Variants in CDH8 observed in about 807,000 individuals in gnomAD.
CDH8 encodes the protein cadherin 8, also known as cadherin-8.
A neutral mutation model predicts 68.1 loss-of-function variants in CDH8; 17 were observed. The observed-to-expected ratio is 0.25, with a 90% confidence interval of 0.17 to 0.37. The LOEUF (loss-of-function observed/expected upper bound fraction) is 0.37. Among genes scored for constraint, CDH8 ranks in the 10% least tolerant of loss-of-function variants. CDH8 has a pLI of 1.00. For synonymous variants in CDH8, 372 were observed against 365.1 expected (o/e 1.02, Z -0.21); for missense variants, 763 against 999.3 (o/e 0.76, Z 3.19).
chr16:61,918,820 C>T (rs1162124944), intron 2 of CDH8: 2 of 151,482 alleles, frequency 1.3e-5, no homozygotes, highest in Non-Finnish European at 2.9e-5. Context: ...CACCACAGCT[C>T]AAGGAGGCCT....
At chr16:61,697,991 TC>T (rs1964359741) in intron 10 of CDH8, among the ~76,000 whole-genome samples, 1 of 152,238 alleles carries the variant, frequency 6.6e-6, no homozygotes, top group South Asian at 2.1e-4. Flanking sequence ...TGGATCAATT[TC>T]CCTTTACAGT....
intron 2 of CDH8, among the ~76,000 whole-genome samples, chr16:61,992,991 C>T (rs1335894354): frequency 6.6e-6 from 1 of 152,136 alleles, no homozygotes; most frequent in Non-Finnish European, 1.5e-5. Flanking sequence ...CACTACGTTT[C>T]TCAGGCTGGT....
At chr16:61,914,332 A>T (rs577115496) in intron 2 of CDH8, among the ~76,000 whole-genome samples, 2 of 152,294 alleles carry the variant, frequency 1.3e-5, no homozygotes, top group East Asian at 3.9e-4. Context: ...TACCTTATAG[A>T]TGCAAAATGA....
intron 1 of CDH8, among the ~76,000 whole-genome samples, chr16:62,024,283 A>T (rs1240519313): frequency 1.3e-5 from 2 of 152,102 alleles, no homozygotes; most frequent in Admixed American, 1.3e-4. Context: ...ATAGCAATGA[A>T]ACAATGATAA....
chr16:61,953,990 C>A (rs937365398), intron 2 of CDH8, among the ~76,000 whole-genome samples: 1 of 149,442 alleles, frequency 6.7e-6, no homozygotes, highest in Non-Finnish European at 1.5e-5. Context: ...TCAAAGGACT[C>A]AGAACTAAAC....
intron 2 of CDH8, among the ~76,000 whole-genome samples, chr16:61,969,441 C>T (rs1965304357): frequency 2.0e-5 from 3 of 152,104 alleles, no homozygotes; most frequent in African/African-American, 7.2e-5. Context: ...ACAGAATATC[C>T]AGAGTGCAGA....
chr16:62,017,202 C>A (rs1185523397), intron 2 of CDH8, among the ~76,000 whole-genome samples: 1 of 151,962 alleles, frequency 6.6e-6, no homozygotes. Flanking sequence ...CCAAAGGACT[C>A]AAAAATCCTT....
rs191366433 is a variant in CDH8 at position 61,776,116 on chromosome 16, A to G, written c.1414+13230T>C. On this transcript the variant is annotated intron_variant, in intron 8 of 11. Coordinates refer to ENST00000577390, the MANE Select transcript of CDH8 (RefSeq NM_001796.5). The stretch of plus-strand genomic sequence containing the variant: ...TCTGGAAGAGGATAGAGAGGAGGAT[A>G]GAAAAGGGAAGGCAGGGGGATGAAA... Among the ~76,000 whole-genome samples, 424 of 152,226 alleles carry G rather than the reference A, an allele frequency of 2.8e-3. 1 individual carries two copies. The highest frequency in any genetic ancestry group is 4.3e-3 in the Non-Finnish European group (290 of 67,988).
intron 8 of CDH8, among the ~76,000 whole-genome samples, chr16:61,762,876 C>T (rs569972154): frequency 6.6e-6 from 1 of 152,146 alleles, no homozygotes; most frequent in African/African-American, 2.4e-5. Flanking sequence ...GAATCCCAAT[C>T]TGTGTTTTAA....
intron 2 of CDH8, 61 bp from the exon 3 acceptor site, chr16:61,901,534 AC>A: frequency 8.3e-7 from 1 of 1,212,068 alleles, no homozygotes. Context: ...TTTTTTAACT[AC>A]CTCCTTTTTG....
At chr16:61,971,943 G>A (rs185032290) in intron 2 of CDH8, among the ~76,000 whole-genome samples, 56 of 152,242 alleles carry the variant, frequency 3.7e-4, no homozygotes, top group African/African-American at 1.2e-3. Context: ...AAAGAAACTC[G>A]AAGATTGGAG....
At chr16:61,924,909 G>A (rs1028667950) in intron 2 of CDH8, among the ~76,000 whole-genome samples, 4 of 152,068 alleles carry the variant, frequency 2.6e-5, no homozygotes, top group Admixed American at 6.5e-5. Flanking sequence ...TAATTGTTCC[G>A]TACTTTGAAA....
At chr16:61,900,410 C>T (rs1296160551) in intron 3 of CDH8, among the ~76,000 whole-genome samples, 1 of 152,106 alleles carries the variant, frequency 6.6e-6, no homozygotes, top group African/African-American at 2.4e-5. Context: ...TTAGATTCTG[C>T]CTACTACTTT....
chr16:62,014,513 G>T (rs78035443), intron 2 of CDH8, among the ~76,000 whole-genome samples: 8 of 152,262 alleles, frequency 5.3e-5, no homozygotes, highest in Non-Finnish European at 1.2e-4. Context: ...CTGTGACTGC[G>T]TAGTCCAACG....
rs1567405309 is a variant in CDH8 at position 61,655,685 on chromosome 16, A to T, written c.1691T>A (p.Phe564Tyr). 2 of 1,614,026 alleles carry T rather than the reference A, an allele frequency of 1.2e-6. No homozygotes were observed. The highest frequency in any genetic ancestry group is 1.7e-6 in the Non-Finnish European group (2 of 1,179,898). Residue 564 changes from phenylalanine to tyrosine, a missense_variant, in exon 11 of 12, where the codon TTC (phenylalanine) becomes TAC (tyrosine). Physicochemically the swap from Phe to Tyr is conservative, Grantham distance 22. Coordinates refer to ENST00000577390, the MANE Select transcript of CDH8 (RefSeq NM_001796.5). ...SLSILAKHNGFNRQKQEVYLL... is the reference protein window; with the variant it reads ...SLSILAKHNGYNRQKQEVYLL... The stretch of plus-strand genomic sequence containing the variant: ...ATAGACTTCTTGCTTCTGGCGGTTG[A>T]ATCCATTATGCTTTGCCAAAATACT...
At chr16:61,663,585 A>G (rs550746473) in intron 10 of CDH8, among the ~76,000 whole-genome samples, 2 of 152,112 alleles carry the variant, frequency 1.3e-5, no homozygotes, top group African/African-American at 4.8e-5. Flanking sequence ...TCCTCATAAC[A>G]TTGGTACCAT....
chr16:61,749,528 C>A (rs1567452681), intron 8 of CDH8, among the ~76,000 whole-genome samples: 1 of 151,894 alleles, frequency 6.6e-6, no homozygotes, highest in Non-Finnish European at 1.5e-5. Context: ...AATTTTGAGT[C>A]TTTTTTTGTT....
chr16:61,987,513 CAAT>C (rs1292603065), intron 2 of CDH8, among the ~76,000 whole-genome samples: 1 of 151,764 alleles, frequency 6.6e-6, no homozygotes, highest in African/African-American at 2.4e-5. Flanking sequence ...TCTCAAAAAA[CAAT>C]AATAACAAAA....
At chr16:61,971,010 A>T (rs550225216) in intron 2 of CDH8, among the ~76,000 whole-genome samples, 1 of 151,982 alleles carries the variant, frequency 6.6e-6, no homozygotes, top group African/African-American at 2.4e-5. Flanking sequence ...CATCCTTAAG[A>T]AGGTACTTTG....
Sources: gnomAD v4.1 joint callset for allele counts (sites outside exome capture counted in the v4.1 genomes callset) on GRCh38, gnomAD v4.1.1 for gene constraint, MANE v1.5 for transcripts, NCBI Gene and HGNC (gene_info 2026-07-23, HGNC 2026-07-21) for gene names.